ADGRL2: variants seen among roughly 807,000 people sequenced by gnomAD.
ADGRL2 encodes calcium-independent alpha-latrotoxin receptor 2.
Under a neutral mutation model 157.4 loss-of-function variants are expected in ADGRL2, and 44 were observed. The ratio of observed to expected loss-of-function variants is 0.28; its 90% CI spans 0.22 to 0.36. The LOEUF is 0.36. ADGRL2 is among the 10% of genes least tolerant of loss of function. The pLI is 1.00. For missense variants in ADGRL2, 1,510 were observed against 1,768.9 expected (o/e 0.85, Z 2.63); for synonymous variants, 585 against 624.7 (o/e 0.94, Z 0.95).
intron 4 of ADGRL2, among the ~76,000 whole-genome samples, chr1:81,938,082 A>G (rs1364134580): frequency 4.0e-5 from 6 of 151,744 alleles, no homozygotes; most frequent in African/African-American, 1.4e-4. Context: ...TTATGTTTTC[A>G]GTATTTTCTG....
chr1:81,759,715 AT>A (rs1327472517), intron 1 of ADGRL2, among the ~76,000 whole-genome samples: 1 of 151,990 alleles, frequency 6.6e-6, no homozygotes, highest in Non-Finnish European at 1.5e-5. Context: ...GCTTGACCAA[AT>A]TTCCTTCATG....
At chr1:81,480,577 G>T (rs547057074) in intron 2 of ADGRL2, among the ~76,000 whole-genome samples, 3 of 152,242 alleles carry the variant, frequency 2.0e-5, no homozygotes, top group African/African-American at 7.2e-5. Flanking sequence ...AATTATACAA[G>T]ATATAGCTGA....
intron 1 of ADGRL2, among the ~76,000 whole-genome samples, chr1:81,733,947 C>T (rs543311088): frequency 2.6e-5 from 4 of 152,090 alleles, no homozygotes; most frequent in Non-Finnish European, 4.4e-5. Flanking sequence ...ACAAGCTTAC[C>T]TATATAACAA....
intron 2 of ADGRL2, among the ~76,000 whole-genome samples, chr1:81,445,853 A>T (rs1311446954): frequency 6.6e-6 from 1 of 152,244 alleles, no homozygotes; most frequent in Non-Finnish European, 1.5e-5. Flanking sequence ...GTGGCATAGC[A>T]TAAACAAATT....
Position 81,990,964 on chromosome 1 carries a change from G to A in ADGRL2, c.4229G>A (p.Ser1410Asn). The A allele has an allele frequency of 6.2e-7, 1 of 1,614,082 alleles. No homozygotes were observed. Among genetic ancestry groups the A allele is most frequent in the Non-Finnish European group, 8.5e-7 (1 of 1,179,986 alleles). The change falls in exon 24 of 24, where the codon AGT (serine) becomes AAT (asparagine). Residue 1410 changes from serine (S) to asparagine (N), a missense_variant. Around this residue, in one of 4 missense-constraint regions of ADGRL2, gnomAD observed 327 missense variants for 310.1 expected, o/e 1.05. Transcript: ENST00000686636. ...MEEDLSPSRR[S>N]ENEDIYYKSM... Reference sequence around the variant, plus strand: ...GAAGACCTCTCTCCCTCCAGGAGGAGTGAGAATGAGGACATTTACTATAAA... The same window carrying A: ...GAAGACCTCTCTCCCTCCAGGAGGAATGAGAATGAGGACATTTACTATAAA...
chr1:81,581,604 G>C (rs887988621), intron 3 of ADGRL2, among the ~76,000 whole-genome samples: 1 of 152,038 alleles, frequency 6.6e-6, no homozygotes, highest in Admixed American at 6.6e-5. Context: ...GGATAACCAC[G>C]ACTTGATTAT....
chr1:81,814,574 CTG>C (rs1218857556), intron 1 of ADGRL2, among the ~76,000 whole-genome samples: 4 of 151,134 alleles, frequency 2.6e-5, no homozygotes, highest in African/African-American at 9.7e-5. Flanking sequence ...GTTTTAATAA[CTG>C]TATTGGAAAA....
intron 1 of ADGRL2, among the ~76,000 whole-genome samples, chr1:81,405,450 G>A (rs532802037): frequency 7.2e-5 from 11 of 151,982 alleles, no homozygotes; most frequent in South Asian, 6.2e-4. Flanking sequence ...GGAGGATTGC[G>A]TGAGCCCAGG....
rs560712616 is a variant in ADGRL2, at chr1:81,384,695, A to G, written c.-301-60341A>G. On this transcript the variant is annotated intron_variant, in intron 1 of 24. Transcript: ENST00000370721. ...GTTTTACTGGTATATGACCTGAAACATTTGAATACCTTCTGATCATTTAGA... is the reference window on the plus strand; with the variant it reads ...GTTTTACTGGTATATGACCTGAAACGTTTGAATACCTTCTGATCATTTAGA... Among the ~76,000 whole-genome samples the G allele has an allele frequency of 5.0e-4, 76 of 152,274 alleles. No homozygotes were observed. In the South Asian group the frequency reaches 0.011, roughly 23 times the overall value.
intron 2 of ADGRL2, among the ~76,000 whole-genome samples, chr1:81,484,731 A>G (rs1347572722): frequency 1.3e-5 from 2 of 151,700 alleles, no homozygotes; most frequent in Non-Finnish European, 2.9e-5. Context: ...TCGTCTTAGA[A>G]GGGCATTCTA....
intron 1 of ADGRL2, chr1:81,721,593 C>CA (rs952527455): frequency 7.4e-5 from 40 of 538,154 alleles, no homozygotes; most frequent in African/African-American, 2.9e-4. Flanking sequence ...CAGTTTCTAC[C>CA]AAAAAAATAC....
chr1:81,324,737 G>A (rs1222904211), intron 1 of ADGRL2, among the ~76,000 whole-genome samples: 1 of 151,550 alleles, frequency 6.6e-6, no homozygotes, highest in Non-Finnish European at 1.5e-5. Context: ...TTTTTTTTGA[G>A]GCAGAGTGTT....
At chr1:81,376,822 G>A (rs2076258959) in intron 1 of ADGRL2, among the ~76,000 whole-genome samples, 1 of 152,084 alleles carries the variant, frequency 6.6e-6, no homozygotes, top group South Asian at 2.1e-4. Context: ...AGTGTGTTCA[G>A]GCAGGGTTTG....
intron 11 of ADGRL2, among the ~76,000 whole-genome samples, chr1:81,959,730 T>C (rs539105030): frequency 6.6e-6 from 1 of 152,106 alleles, no homozygotes; most frequent in South Asian, 2.1e-4. Flanking sequence ...CACATTTTCA[T>C]AAATTTATTA....
rs1471367918 is a variant in ADGRL2 at position 81,950,417 on chromosome 1, G to A, written c.1439G>A (p.Gly480Glu). The A allele has an allele frequency of 6.2e-7, 1 of 1,613,808 alleles. No individual in the cohort carries two copies. The highest frequency in any genetic ancestry group is 8.5e-7 in the Non-Finnish European group (1 of 1,179,908). ...ERFCEALDSK[G>E]IKWPQTQRGM... Reference sequence around the variant, plus strand: ...TTCTGTGAAGCATTAGACTCCAAGGGGATAAAGTGGCCTCAGACACAAAGG... The same window carrying A: ...TTCTGTGAAGCATTAGACTCCAAGGAGATAAAGTGGCCTCAGACACAAAGG... The change falls in exon 7 of 24, where the codon GGG (glycine) becomes GAG (glutamate). Residue 480 changes from glycine to glutamate, a missense_variant. Transcript: ENST00000686636.
chr1:81,813,817 T>A (rs2090119696), intron 1 of ADGRL2, among the ~76,000 whole-genome samples: 1 of 151,698 alleles, frequency 6.6e-6, no homozygotes, highest in Non-Finnish European at 1.5e-5. Flanking sequence ...TTCCCCCTAA[T>A]ACTAAAACCT....
chr1:81,534,123 C>T (rs371968334), intron 2 of ADGRL2, among the ~76,000 whole-genome samples: 1 of 152,066 alleles, frequency 6.6e-6, no homozygotes. Flanking sequence ...CTGCTAATTA[C>T]AAGTTATTTT....
intron 3 of ADGRL2, among the ~76,000 whole-genome samples, chr1:81,638,824 G>A (rs553126195): frequency 7.2e-5 from 11 of 152,228 alleles, no homozygotes; most frequent in Admixed American, 4.6e-4. Flanking sequence ...AGCACATAGC[G>A]AAACTCCATC....
intron 1 of ADGRL2, among the ~76,000 whole-genome samples, chr1:81,824,785 G>A (rs1405898826): frequency 6.6e-6 from 1 of 152,040 alleles, no homozygotes; most frequent in Non-Finnish European, 1.5e-5. Context: ...TAGGTGGAGG[G>A]GAAAGATGTT....
Sources: allele counts gnomAD v4.1 joint callset (sites outside exome capture counted in the v4.1 genomes callset), GRCh38; gene constraint gnomAD v4.1.1; regional missense constraint gnomAD v4.1.1; transcripts MANE v1.5; gene names NCBI Gene and HGNC (gene_info 2026-07-23, HGNC 2026-07-21).